DNAH7: variants seen among roughly 807,000 people sequenced by gnomAD.
DNAH7 encodes dynein axonemal heavy chain 7.
DNAH7 carries 397 observed loss-of-function variants against 444.6 expected under a neutral mutation model. The observed-to-expected ratio is 0.89, with a 90% CI of 0.82 to 0.97. The LOEUF (loss-of-function observed/expected upper bound fraction) is 0.97, where lower values mean the gene tolerates loss of function less well. DNAH7 is among the 50% of genes least tolerant of loss of function. DNAH7 has a pLI of 0.00. For synonymous variants in DNAH7, 1,636 were observed against 1,624.4 expected (o/e 1.01, Z -0.17); for missense variants, 4,902 against 4,800.8 (o/e 1.02, Z -0.62).
chr2:196,051,266 A>C lies in DNAH7; in HGVS notation c.79-17T>G, dbSNP rs2125862974. On this transcript the variant is annotated splice_polypyrimidine_tract_variant and intron_variant, in intron 2 of 64. Coordinates refer to ENST00000312428, the MANE Select transcript of DNAH7 (RefSeq NM_018897.3). Reference sequence around the variant, plus strand: ...TAATTTCTCCTGTGTGAAAAATATGAAGGGGAAAAAAGTGTTTACTCTGTT... The same window carrying C: ...TAATTTCTCCTGTGTGAAAAATATGCAGGGGAAAAAAGTGTTTACTCTGTT... The C allele has an allele frequency of 6.2e-7, 1 of 1,604,288 alleles. No homozygotes were observed. Among genetic ancestry groups the C allele is most frequent in the South Asian group, 1.1e-5 (1 of 90,718 alleles).
chr2:195,780,093 A>G (rs1695301646), intron 58 of DNAH7, among the ~76,000 whole-genome samples: 1 of 152,166 alleles, frequency 6.6e-6, no homozygotes, highest in African/African-American at 2.4e-5. Flanking sequence ...TTTTATCCTG[A>G]GCATAAATAC....
intron 10 of DNAH7, among the ~76,000 whole-genome samples, chr2:196,007,646 T>C (rs1308408509): frequency 6.6e-6 from 1 of 152,188 alleles, no homozygotes; most frequent in East Asian, 1.9e-4. Context: ...CAGTTTCCCC[T>C]GTACTCTTCT....
chr2:195,968,118 C>T (rs1691603615), intron 17 of DNAH7, among the ~76,000 whole-genome samples: 1 of 152,126 alleles, frequency 6.6e-6, no homozygotes, highest in African/African-American at 2.4e-5. Context: ...GTGGGCTCCC[C>T]TCTGGCCCAT....
At position 195,891,575 on chromosome 2, in the gene DNAH7, T is replaced by C. The variant is rs574359278; in HGVS notation, c.5046+80A>G. 341 of 1,291,466 alleles carry C rather than the reference T, an allele frequency of 2.6e-4. 6 individuals carry two copies. In the South Asian group the frequency reaches 5.6e-3, roughly 21 times the overall value. The allele number at this position is 1,291,466 out of a possible 1,614,324, so 80.0% of individuals were successfully genotyped here. ...TTAATCTATAGATACAATTAGTTTG[T>C]TTGAAAAAAAAATCAGAAATTGGTC... On this transcript the variant is annotated intron_variant, in intron 31 of 64. Coordinates refer to ENST00000312428, the MANE Select transcript of DNAH7 (RefSeq NM_018897.3).
At chr2:195,919,035 G>C (rs932925098) in intron 24 of DNAH7, among the ~76,000 whole-genome samples, 1 of 152,020 alleles carries the variant, frequency 6.6e-6, no homozygotes, top group Admixed American at 6.6e-5. Flanking sequence ...CAGATCACGA[G>C]GTCAGGAGAT....
At chr2:195,988,997 A>G (rs529889443) in intron 12 of DNAH7, among the ~76,000 whole-genome samples, 2 of 152,170 alleles carry the variant, frequency 1.3e-5, no homozygotes, top group African/African-American at 2.4e-5. Flanking sequence ...TTATCCATAT[A>G]ATTGCAAATG....
chr2:195,910,100 G>C lies in DNAH7; in HGVS notation c.4031C>G (p.Ala1344Gly). ...KTETTKDLAK[A>G]VAKQCVVFNC... is the part of the protein sequence containing the mutation. ...GAAAACAACACATTGTTTGGCTACA[G>C]CTTTTGCCAAATCCTTGGTAGTTTC... Residue 1344 changes from alanine (A) to glycine (G), a missense_variant, in exon 25 of 65, where the codon GCT (alanine) becomes GGT (glycine). Transcript: ENST00000312428. 1 of 1,613,906 alleles carries C rather than the reference G, an allele frequency of 6.2e-7. No individual in the cohort carries two copies. Among genetic ancestry groups the C allele is most frequent in the Non-Finnish European group, 8.5e-7 (1 of 1,179,868 alleles).
At chr2:195,782,315 T>C (rs559143848) in intron 58 of DNAH7, among the ~76,000 whole-genome samples, 1 of 152,294 alleles carries the variant, frequency 6.6e-6, no homozygotes, top group Non-Finnish European at 1.5e-5. Context: ...CTTTAACTCA[T>C]GATGAAGTAT....
At chr2:195,980,837 T>C (rs1271204624) in intron 15 of DNAH7, among the ~76,000 whole-genome samples, 1 of 150,000 alleles carries the variant, frequency 6.7e-6, no homozygotes, top group African/African-American at 2.5e-5. Flanking sequence ...CCCTCAAAAA[T>C]TGTGCACAGG....
At chr2:195,774,560 G>C (rs1265320120) in intron 60 of DNAH7, among the ~76,000 whole-genome samples, 1 of 152,230 alleles carries the variant, frequency 6.6e-6, no homozygotes, top group Non-Finnish European at 1.5e-5. Context: ...CAGTGGTTTA[G>C]AACACAAGAT....
At position 195,857,712 on chromosome 2, in the gene DNAH7, C is replaced by G. The variant is rs777634598; in HGVS notation, c.8079G>C (p.Val2693=). 2 of 1,601,736 alleles carry G rather than the reference C, an allele frequency of 1.2e-6. No individual in the cohort carries two copies. Among genetic ancestry groups the G allele is most frequent in the Non-Finnish European group, 1.7e-6 (2 of 1,174,588 alleles). Residue 2693 remains valine, a synonymous_variant, in exon 44 of 65, where the codon GTG becomes GTC. Transcript: ENST00000312428. ...LDTLTAQDIT[V]VKSMKSPPAG... ...CAGGAGGACTCTTCATGGATTTTACCACTGTAATATCCTTGAAATAACAAC... is the reference window on the plus strand; with the variant it reads ...CAGGAGGACTCTTCATGGATTTTACGACTGTAATATCCTTGAAATAACAAC...
chr2:195,803,558 A>T (rs1044048305), intron 54 of DNAH7, among the ~76,000 whole-genome samples: 2 of 152,240 alleles, frequency 1.3e-5, no homozygotes, highest in African/African-American at 4.8e-5. Context: ...TGCCTCTTCA[A>T]TCTGATTATG....
intron 34 of DNAH7, 58 bp downstream of exon 34, chr2:195,886,083 G>A: frequency 6.6e-7 from 1 of 1,525,166 alleles, no homozygotes; most frequent in Non-Finnish European, 8.8e-7. Flanking sequence ...GGAAGCTTTG[G>A]GGAAAGCAGT....
At chr2:195,979,729 GA>G (rs1332358446) in intron 15 of DNAH7, among the ~76,000 whole-genome samples, 1 of 151,028 alleles carries the variant, frequency 6.6e-6, no homozygotes, top group Non-Finnish European at 1.5e-5. Flanking sequence ...GCCAGACTAA[GA>G]AAAAAAGAGA....
chr2:195,922,286 T>C (rs1355823628), intron 23 of DNAH7, 89 bp from the exon 24 acceptor site: 18 of 729,928 alleles, frequency 2.5e-5, no homozygotes, highest in South Asian at 3.8e-5. Context: ...AACCATAATA[T>C]AGACATCTTT....
At chr2:195,959,839 C>T (rs1284489116) in intron 18 of DNAH7, among the ~76,000 whole-genome samples, 1 of 152,206 alleles carries the variant, frequency 6.6e-6, no homozygotes, top group Non-Finnish European at 1.5e-5. Flanking sequence ...ATTCAGCAAT[C>T]TTCTATGACA....
intron 12 of DNAH7, among the ~76,000 whole-genome samples, chr2:195,991,983 C>T: frequency 6.6e-6 from 1 of 152,128 alleles, no homozygotes; most frequent in African/African-American, 2.4e-5. Context: ...TACTAGGATT[C>T]CTTTAGTTTT....
intron 5 of DNAH7, among the ~76,000 whole-genome samples, chr2:196,045,223 GAGA>G (rs958979717): frequency 6.1e-5 from 9 of 148,336 alleles, no homozygotes; most frequent in African/African-American, 1.3e-4. Context: ...GGAGGAGAAG[GAGA>G]AGAAGAAAGA....
chr2:195,782,530 TATC>T (rs1359037588), intron 58 of DNAH7, among the ~76,000 whole-genome samples: 1 of 152,210 alleles, frequency 6.6e-6, no homozygotes, highest in East Asian at 1.9e-4. Flanking sequence ...TACATTTAAA[TATC>T]ATATTCTTTC....
Sources: allele counts gnomAD v4.1 joint callset (sites outside exome capture counted in the v4.1 genomes callset), GRCh38; gene constraint gnomAD v4.1.1; transcripts MANE v1.5; gene names NCBI Gene and HGNC (gene_info 2026-07-23, HGNC 2026-07-21).